Variants in SOX5 observed in about 807,000 individuals in gnomAD.
The protein encoded by SOX5 is SRY-box transcription factor 5, also known as transcription factor SOX-5.
SOX5 carries 9 observed loss-of-function variants against 92.0 expected under a neutral mutation model. That is an observed-to-expected ratio of 0.10 (90% CI 0.06 to 0.17). The LOEUF (loss-of-function observed/expected upper bound fraction) is 0.17. Among genes scored for constraint, SOX5 ranks in the 10% least tolerant of loss-of-function variants. SOX5 has a pLI of 1.00. For missense variants in SOX5, 642 were observed against 944.5 expected (o/e 0.68, Z 4.20); for synonymous variants, 344 against 336.3 (o/e 1.02, Z -0.25).
intron 2 of SOX5, among the ~76,000 whole-genome samples, chr12:24,325,489 A>T (rs1950591167): frequency 6.6e-6 from 1 of 152,208 alleles, no homozygotes; most frequent in South Asian, 2.1e-4. Context: ...ATGGCAGGAT[A>T]CACAATGAGC....
intron 2 of SOX5, among the ~76,000 whole-genome samples, chr12:23,881,726 T>C (rs1025839006): frequency 1.3e-4 from 20 of 152,188 alleles, no homozygotes; most frequent in African/African-American, 4.8e-4. Context: ...AATCTAGTAA[T>C]AAAACAATAA....
intron 2 of SOX5, among the ~76,000 whole-genome samples, chr12:24,285,949 T>G (rs767286238): frequency 6.6e-6 from 1 of 152,230 alleles, no homozygotes; most frequent in African/African-American, 2.4e-5. Context: ...TATAGCTACA[T>G]GAAGACATCC....
At chr12:23,547,241 A>G (rs556787616) in intron 11 of SOX5, among the ~76,000 whole-genome samples, 163 of 152,278 alleles carry the variant, frequency 1.1e-3, no homozygotes, top group Middle Eastern at 0.01. Flanking sequence ...CAGAAAAAGC[A>G]TATAATGAAA....
chr12:23,578,113 G>T (rs1949466285), intron 9 of SOX5, among the ~76,000 whole-genome samples: 1 of 19,422 alleles, frequency 5.1e-5, no homozygotes, highest in African/African-American at 1.8e-4. Context: ...GAGTGAGACT[G>T]TGTCAAAAAA....
chr12:23,922,945 T>A (rs889722282), intron 1 of SOX5, among the ~76,000 whole-genome samples: 1 of 146,340 alleles, frequency 6.8e-6, no homozygotes, highest in Non-Finnish European at 1.5e-5. Flanking sequence ...AGCTCCTTCT[T>A]TTTTTTTTTT....
intron 1 of SOX5, among the ~76,000 whole-genome samples, chr12:23,916,785 C>T (rs1425979936): frequency 2.0e-5 from 3 of 152,162 alleles, no homozygotes; most frequent in African/African-American, 7.2e-5. Context: ...TCAGTATCAA[C>T]ATGGGCATCA....
chr12:23,683,062 GC>G (rs2086892327), intron 6 of SOX5, among the ~76,000 whole-genome samples: 1 of 151,738 alleles, frequency 6.6e-6, no homozygotes, highest in African/African-American at 2.4e-5. Context: ...GTAATGACTA[GC>G]TTTTTTACAA....
At chr12:23,910,972 C>T (rs1454070362) in intron 1 of SOX5, among the ~76,000 whole-genome samples, 2 of 152,102 alleles carry the variant, frequency 1.3e-5, no homozygotes, top group Non-Finnish European at 2.9e-5. Flanking sequence ...TTCTAACTTG[C>T]TTCATGTAGT....
At chr12:23,945,240 A>T (rs7963345) in intron 1 of SOX5, among the ~76,000 whole-genome samples, 60,098 of 152,042 alleles carry the variant, frequency 0.4, 12,364 homozygotes, top group Non-Finnish European at 0.44. Flanking sequence ...GTCTTATTAT[A>T]TGTCTCTCAT....
At chr12:24,301,137 G>A (rs1200715115) in intron 2 of SOX5, among the ~76,000 whole-genome samples, 1 of 152,208 alleles carries the variant, frequency 6.6e-6, no homozygotes, top group African/African-American at 2.4e-5. Context: ...CGCAAGCTCT[G>A]CTTCCTAGTT....
chr12:23,848,870 C>T (rs1255082463), intron 2 of SOX5, among the ~76,000 whole-genome samples: 2 of 152,178 alleles, frequency 1.3e-5, no homozygotes, highest in Non-Finnish European at 2.9e-5. Flanking sequence ...GGTCTCTAAA[C>T]TTTCAGAATA....
At chr12:23,804,308 A>G (rs1253782098) in intron 3 of SOX5, among the ~76,000 whole-genome samples, 1 of 152,206 alleles carries the variant, frequency 6.6e-6, no homozygotes, top group Non-Finnish European at 1.5e-5. Flanking sequence ...TTCCATTTAA[A>G]TAGAAAAAAA....
chr12:24,253,031 C>T (rs1272599840), intron 3 of SOX5, among the ~76,000 whole-genome samples: 8 of 151,670 alleles, frequency 5.3e-5, no homozygotes, highest in Admixed American at 4.6e-4. Context: ...TTTTTAAGCA[C>T]AATAGCAGAA....
At chr12:24,016,811 C>G (rs1405579098) in intron 4 of SOX5, among the ~76,000 whole-genome samples, 3 of 152,110 alleles carry the variant, frequency 2.0e-5, no homozygotes, top group Admixed American at 1.3e-4. Context: ...AAGGCTGTGA[C>G]ACCGTGCTGA....
chr12:24,165,748 G>C (rs1331477702), intron 4 of SOX5, among the ~76,000 whole-genome samples: 2 of 152,078 alleles, frequency 1.3e-5, no homozygotes, highest in African/African-American at 4.8e-5. Context: ...TGGGGAAGAG[G>C]GGAAGAGGAA....
chr12:24,074,859 C>T (rs1942327575), intron 4 of SOX5, among the ~76,000 whole-genome samples: 1 of 151,092 alleles, frequency 6.6e-6, no homozygotes, highest in African/African-American at 2.4e-5. Flanking sequence ...TTGGTTTCTA[C>T]TCTTTGGATT....
At chr12:23,831,581 T>A (rs1017602981) in intron 3 of SOX5, among the ~76,000 whole-genome samples, 1 of 152,124 alleles carries the variant, frequency 6.6e-6, no homozygotes, top group Non-Finnish European at 1.5e-5. Flanking sequence ...TTGAAACTCA[T>A]TGCATTATTT....
chr12:23,632,851 T>C (rs1032061380), intron 8 of SOX5, among the ~76,000 whole-genome samples: 19 of 152,258 alleles, frequency 1.2e-4, no homozygotes, highest in Non-Finnish European at 2.6e-4. Context: ...GCTACTAATA[T>C]TACTAGTTAC....
At chr12:23,542,145 A>G (rs1242807677) in intron 13 of SOX5, among the ~76,000 whole-genome samples, 2 of 152,244 alleles carry the variant, frequency 1.3e-5, no homozygotes, top group African/African-American at 2.4e-5. Context: ...TGCCATTTAT[A>G]GATGATCTGT....
Sources: allele counts gnomAD v4.1 joint callset (sites outside exome capture counted in the v4.1 genomes callset), GRCh38; gene constraint gnomAD v4.1.1; transcripts MANE v1.5; gene names NCBI Gene and HGNC (gene_info 2026-07-23, HGNC 2026-07-21).